Variants in PCGF5 observed in about 807,000 individuals in gnomAD.
PCGF5 encodes polycomb group ring finger 5, also known as polycomb group RING finger protein 5.
In PCGF5, 9 loss-of-function variants were observed where a neutral mutation model predicts 44.3. The ratio of observed to expected loss-of-function variants is 0.20; its 90% CI spans 0.12 to 0.35. The LOEUF (loss-of-function observed/expected upper bound fraction) is 0.35. Among genes scored for constraint, PCGF5 ranks in the 10% least tolerant of loss-of-function variants. PCGF5 has a pLI of 1.00. For missense variants in PCGF5, 146 were observed against 305.3 expected (o/e 0.48, Z 3.89); for synonymous variants, 95 against 102.5 (o/e 0.93, Z 0.44).
intron 8 of PCGF5, among the ~76,000 whole-genome samples, chr10:91,264,864 TC>T (rs1846009590): frequency 1.3e-5 from 2 of 152,156 alleles, no homozygotes; most frequent in Non-Finnish European, 2.9e-5. Context: ...ACTTAAGTTC[TC>T]CCCTAATATG....
At position 91,178,664 on chromosome 10, in the gene PCGF5, C is replaced by T. The variant is rs144581783; in HGVS notation, c.-184+15583C>T. Reference sequence around the variant, plus strand: ...TCGGCCTCCCAAAGTGCTGGGATTACAGGTGTGAGCCCCTGCACCTGGCCT... The same window carrying T: ...TCGGCCTCCCAAAGTGCTGGGATTATAGGTGTGAGCCCCTGCACCTGGCCT... On this transcript the variant is annotated intron_variant, in intron 1 of 9. Transcript: ENST00000614189. Among the ~76,000 whole-genome samples the T allele has an allele frequency of 8.9e-3, 1,354 of 152,176 alleles. 15 individuals carry two copies. The highest frequency in any genetic ancestry group is 0.031 in the African/African-American group (1,271 of 41,494).
intron 5 of PCGF5, among the ~76,000 whole-genome samples, chr10:91,250,497 CTTT>C (rs56288334): frequency 9.8e-5 from 13 of 132,112 alleles, no homozygotes; most frequent in Admixed American, 6.8e-4. Context: ...CTGGTTTTTT[CTTT>C]TTTTTTTTTT....
intron 1 of PCGF5, among the ~76,000 whole-genome samples, chr10:91,197,447 G>A (rs1360275032): frequency 2.0e-5 from 3 of 152,192 alleles, no homozygotes; most frequent in East Asian, 1.9e-4. Flanking sequence ...TATTGAGGAT[G>A]AGGGCTTCCT....
rs1478956496 is a variant in PCGF5, at chr10:91,283,341, A to G, written c.*5025A>G. On this transcript the variant is annotated 3_prime_UTR_variant, in exon 10 of 10. Coordinates refer to ENST00000336126, the MANE Select transcript of PCGF5 (RefSeq NM_032373.5). ...GTATACTTGCTATGCCCCTTTTTCT[A>G]TAATTCCAAACTGAGACTGATTTTT... 1 of 152,216 alleles carries G rather than the reference A, an allele frequency of 6.6e-6. No individual in the cohort carries two copies. The highest frequency in any genetic ancestry group is 1.9e-4 in the East Asian group (1 of 5,208). The allele number at this position is 152,216 out of a possible 1,614,324, so 9.4% of individuals were successfully genotyped here. A position where few individuals can be genotyped will look rare whatever the true frequency, so the allele number is the denominator to read the frequency against.
intron 1 of PCGF5, among the ~76,000 whole-genome samples, chr10:91,171,400 A>G (rs1843603115): frequency 1.3e-5 from 2 of 152,070 alleles, no homozygotes; most frequent in South Asian, 4.1e-4. Flanking sequence ...GGTTTGGTAA[A>G]CTTTGGGTTT....
At chr10:91,265,532 TA>T (rs68030127) in intron 8 of PCGF5, among the ~76,000 whole-genome samples, 19,808 of 150,550 alleles carry the variant, frequency 0.13, 2,417 homozygotes, top group African/African-American at 0.32. Context: ...ATGTAAATCA[TA>T]AAAAAAAACA....
chr10:91,278,474 G>A lies in PCGF5; in HGVS notation c.*158G>A, dbSNP rs1267975565. ...TCTCTAAATTGTCAGTTGCATTCAT[G>A]TTGTTTCTATTAGGAGCAAACCAAG... On this transcript the variant is annotated 3_prime_UTR_variant, in exon 10 of 10. Transcript: ENST00000336126. 6 of 672,354 alleles carry A rather than the reference G, an allele frequency of 8.9e-6. No individual in the cohort carries two copies. Among genetic ancestry groups the A allele is most frequent in the Non-Finnish European group, 1.3e-5 (5 of 378,764 alleles). The allele number at this position is 672,354 out of a possible 1,614,324, so 41.6% of individuals were successfully genotyped here.
chr10:91,211,061 G>T (rs545772709), intron 1 of PCGF5, among the ~76,000 whole-genome samples: 1 of 152,300 alleles, frequency 6.6e-6, no homozygotes, highest in South Asian at 2.1e-4. Flanking sequence ...AAAGCAAAAA[G>T]GAATGGTAAT....
At chr10:91,167,500 A>T (rs532156285) in intron 1 of PCGF5, among the ~76,000 whole-genome samples, 1 of 152,364 alleles carries the variant, frequency 6.6e-6, no homozygotes, top group African/African-American at 2.4e-5. Context: ...AGACGACTTC[A>T]ATCGGCAAAA....
At chr10:91,242,059 C>T (rs1021567559) in intron 3 of PCGF5, among the ~76,000 whole-genome samples, 1 of 151,850 alleles carries the variant, frequency 6.6e-6, no homozygotes, top group Non-Finnish European at 1.5e-5. Context: ...CTGAGTAAGC[C>T]TTGTTCTGGT....
chr10:91,235,880 C>G (rs1845148425), intron 2 of PCGF5, among the ~76,000 whole-genome samples: 1 of 152,142 alleles, frequency 6.6e-6, no homozygotes, highest in Non-Finnish European at 1.5e-5. Context: ...AAACCTCTTT[C>G]TTTTGTGAAT....
intron 5 of PCGF5, 89 bp from the exon 6 acceptor site, chr10:91,251,203 G>T: frequency 2.3e-5 from 23 of 1,009,458 alleles, no homozygotes; most frequent in South Asian, 4.1e-5. Flanking sequence ...TTTTAAAGTT[G>T]ATTTTTGTTT....
At chr10:91,169,413 C>G (rs1843564392) in intron 1 of PCGF5, among the ~76,000 whole-genome samples, 1 of 152,088 alleles carries the variant, frequency 6.6e-6, no homozygotes, top group South Asian at 2.1e-4. Flanking sequence ...CCTCCTGGAA[C>G]TAATAAGCAA....
chr10:91,220,555 G>T, upstream of PCGF5: 1 of 151,698 alleles, frequency 6.6e-6, no homozygotes, highest in South Asian at 1.8e-4. Flanking sequence ...GTGGCCGGGC[G>T]GCGGGGGCGT....
At chr10:91,276,448 A>G (rs1344544941) in intron 9 of PCGF5, among the ~76,000 whole-genome samples, 1 of 152,230 alleles carries the variant, frequency 6.6e-6, no homozygotes, top group Non-Finnish European at 1.5e-5. Context: ...ATTATAAGCC[A>G]TATTTGATTA....
intron 1 of PCGF5, among the ~76,000 whole-genome samples, chr10:91,191,496 A>G (rs76055679): frequency 0.011 from 1,605 of 152,330 alleles, 30 homozygotes; most frequent in African/African-American, 0.034. Context: ...TTTGGACTGA[A>G]GTTGACCATG....
At chr10:91,161,327 G>C (rs541970370), upstream of PCGF5, among the ~76,000 whole-genome samples, 1 of 152,248 alleles carries the variant, frequency 6.6e-6, no homozygotes, top group Non-Finnish European at 1.5e-5. Context: ...ACTTTCGCTG[G>C]ATTCACTTGC....
intron 8 of PCGF5, among the ~76,000 whole-genome samples, chr10:91,268,887 A>C (rs1399760677): frequency 1.3e-5 from 2 of 152,188 alleles, no homozygotes; most frequent in African/African-American, 4.8e-5. Flanking sequence ...AATCAAAACA[A>C]ACAGCTGGTC....
At chr10:91,173,118 A>T (rs1298179406) in intron 1 of PCGF5, among the ~76,000 whole-genome samples, 1 of 152,222 alleles carries the variant, frequency 6.6e-6, no homozygotes, top group Non-Finnish European at 1.5e-5. Flanking sequence ...TTTGCAAGTA[A>T]ATAGTGTTAT....
Sources: allele counts gnomAD v4.1 joint callset (sites outside exome capture counted in the v4.1 genomes callset), GRCh38; gene constraint gnomAD v4.1.1; transcripts MANE v1.5; gene names NCBI Gene and HGNC (gene_info 2026-07-23, HGNC 2026-07-21).